The following CACNA1C variants were observed in gnomAD, a reference collection of about 807,000 sequenced individuals.
CACNA1C encodes the protein voltage-dependent L-type calcium channel subunit alpha-1C.
CACNA1C carries 30 observed loss-of-function variants against 229.0 expected under a neutral mutation model. The ratio of observed to expected loss-of-function variants is 0.13; its 90% CI spans 0.10 to 0.18. CACNA1C has a LOEUF of 0.18. CACNA1C is among the 10% of genes least tolerant of loss of function. The probability of loss-of-function intolerance (pLI) is 1.00; values close to 1 mark genes in which losing one functional copy is unlikely to be tolerated. For synonymous variants in CACNA1C, 1,114 were observed against 1,132.5 expected (o/e 0.98, Z 0.33); for missense variants, 1,658 against 2,845.0 (o/e 0.58, Z 9.49).
At chr12:2,389,723 G>T (rs2098452629) in intron 3 of CACNA1C, among the ~76,000 whole-genome samples, 1 of 152,100 alleles carries the variant, frequency 6.6e-6, no homozygotes, top group Admixed American at 6.5e-5. Flanking sequence ...CAGAATTTTA[G>T]AAGAAGCCTC....
chr12:2,336,022 CAAA>C (rs34731308), intron 3 of CACNA1C, among the ~76,000 whole-genome samples: 71 of 92,528 alleles, frequency 7.7e-4, no homozygotes, highest in Middle Eastern at 6.3e-3. Context: ...AAAACAACTC[CAAA>C]AAAAAAAAAA....
chr12:2,357,970 CAA>C (rs34774514), intron 3 of CACNA1C, among the ~76,000 whole-genome samples: 7,049 of 106,274 alleles, frequency 0.066, 202 homozygotes, highest in African/African-American at 0.071. Context: ...AACTCAGTCT[CAA>C]AAAAAAAAAA....
chr12:2,523,041 G>A (rs781385230), intron 9 of CACNA1C, among the ~76,000 whole-genome samples: 24 of 151,628 alleles, frequency 1.6e-4, no homozygotes, highest in Non-Finnish European at 3.4e-4. Flanking sequence ...TCCCCCAGCC[G>A]GAACAGCCTG....
At chr12:2,483,265 G>C (rs890821772) in intron 5 of CACNA1C, among the ~76,000 whole-genome samples, 2 of 152,238 alleles carry the variant, frequency 1.3e-5, no homozygotes, top group African/African-American at 4.8e-5. Context: ...GAAGGAGGCA[G>C]GTTAGTTTAC....
intron 3 of CACNA1C, among the ~76,000 whole-genome samples, chr12:2,366,127 G>A (rs572989042): frequency 3.1e-4 from 47 of 152,320 alleles, no homozygotes; most frequent in African/African-American, 1.1e-3. Context: ...AAATAGAGCT[G>A]AGGCATCCTG....
At chr12:2,298,023 A>G (rs567605004) in intron 3 of CACNA1C, among the ~76,000 whole-genome samples, 1 of 152,198 alleles carries the variant, frequency 6.6e-6, no homozygotes, top group Non-Finnish European at 1.5e-5. Context: ...GCTGGGTAAC[A>G]TCTAAAGGAG....
rs1295164658 is a variant in CACNA1C, at chr12:2,275,478, C to G, written c.477+155048C>G. Among the ~76,000 whole-genome samples the G allele has an allele frequency of 1.3e-5, 2 of 152,132 alleles. No individual in the cohort carries two copies. Among genetic ancestry groups the G allele is most frequent in the Admixed American group, 1.3e-4 (2 of 15,280 alleles). ...ATGTGACCTAGCTCTCTCCTGGCCC[C>G]CTGTTCCATCCCACATGCAGCCTCC... On this transcript the variant is annotated intron_variant, in intron 3 of 46. Coordinates refer to ENST00000399655, the MANE Select transcript of CACNA1C (RefSeq NM_000719.7). The surrounding 1 kb of genome is among the most constrained non-coding windows in gnomAD (Gnocchi z 4.1).
At chr12:2,194,348 TCTC>T (rs763677132) in intron 3 of CACNA1C, among the ~76,000 whole-genome samples, 18 of 147,510 alleles carry the variant, frequency 1.2e-4, no homozygotes, top group East Asian at 6.1e-4. Context: ...TCTTCCTCCC[TCTC>T]CTCCTCCTCC....
At chr12:2,330,556 G>C (rs2096512640) in intron 3 of CACNA1C, among the ~76,000 whole-genome samples, 1 of 152,150 alleles carries the variant, frequency 6.6e-6, no homozygotes, top group Admixed American at 6.5e-5. Flanking sequence ...TTGAATCCAG[G>C]CAGCCTGGCT....
chr12:2,056,910 A>C (rs1481913053), intron 1 of CACNA1C, among the ~76,000 whole-genome samples: 1 of 152,240 alleles, frequency 6.6e-6, no homozygotes. Flanking sequence ...ACATGGAATA[A>C]GGAAAAGCTA....
chr12:2,663,886 C>T (rs927973552), intron 34 of CACNA1C, among the ~76,000 whole-genome samples: 4 of 151,958 alleles, frequency 2.6e-5, no homozygotes, highest in South Asian at 2.1e-4. Context: ...GGACTACAGG[C>T]GCCCACCACC....
intron 5 of CACNA1C, among the ~76,000 whole-genome samples, chr12:2,475,637 T>C (rs947333897): frequency 6.6e-6 from 1 of 152,166 alleles, no homozygotes; most frequent in Non-Finnish European, 1.5e-5. Context: ...AAAACAGTTA[T>C]TGAACTAGAG....
chr12:2,666,891 A>T lies in CACNA1C; in HGVS notation c.4623+109A>T. The T allele has an allele frequency of 1.4e-6, 1 of 727,382 alleles. No homozygotes were observed. Among genetic ancestry groups the T allele is most frequent in the South Asian group, 1.5e-5 (1 of 65,120 alleles). The allele number at this position is 727,382 out of a possible 1,614,324, so 45.1% of individuals were successfully genotyped here. A position where few individuals can be genotyped will look rare whatever the true frequency, so the allele number is the denominator to read the frequency against. On this transcript the variant is annotated intron_variant, in intron 37 of 46. Transcript: ENST00000399655. This position sits in a 1 kb window ranked among gnomAD's most constrained non-coding sequence, Gnocchi z 5.3. ...AACATACTAGTTTATGTGCCTAAAG[A>T]TTACATTTTAAGGGTCCTTCCAGCT...
At chr12:2,518,168 T>A (rs1028259202) in intron 9 of CACNA1C, among the ~76,000 whole-genome samples, 6 of 152,190 alleles carry the variant, frequency 3.9e-5, no homozygotes, top group African/African-American at 7.2e-5. Flanking sequence ...GGATCACATA[T>A]TACTGAGACA....
chr12:2,068,825 G>T (rs1331406810), intron 1 of CACNA1C, among the ~76,000 whole-genome samples: 5 of 152,204 alleles, frequency 3.3e-5, no homozygotes, highest in Non-Finnish European at 7.3e-5. Flanking sequence ...GCTGACCCCA[G>T]CTTGATCTCT....
At chr12:2,074,156 TAATGTAG>T in intron 1 of CACNA1C, among the ~76,000 whole-genome samples, 1 of 7,574 alleles carries the variant, frequency 1.3e-4, no homozygotes, top group Non-Finnish European at 3.5e-4. Context: ...TGTGTTAGGA[TAATGTAG>T]ATAATGTAGG....
rs2095870278 is a variant in CACNA1C, at chr12:2,319,584, G to T, written c.478-129392G>T. ...CATTGCCGGGTGAGCCTGAGATAAG[G>T]GTGTAGCTCTGCTCATTTCTGGAGG... is the stretch of plus-strand genomic sequence containing the variant. On this transcript the variant is annotated intron_variant, in intron 3 of 46. Coordinates refer to ENST00000399655, the MANE Select transcript of CACNA1C (RefSeq NM_000719.7). This position sits in a 1 kb window ranked among gnomAD's most constrained non-coding sequence, Gnocchi z 4.0. Among the ~76,000 whole-genome samples the T allele has an allele frequency of 6.6e-6, 1 of 152,148 alleles. No homozygotes were observed.
At chr12:2,274,416 C>T (rs1364983892) in intron 3 of CACNA1C, among the ~76,000 whole-genome samples, 2 of 152,182 alleles carry the variant, frequency 1.3e-5, no homozygotes, top group East Asian at 1.9e-4. Flanking sequence ...CATGGAGAGA[C>T]GTCCTGAGAC....
chr12:2,104,570 C>T (rs891438859), intron 1 of CACNA1C, among the ~76,000 whole-genome samples: 2 of 152,174 alleles, frequency 1.3e-5, no homozygotes, highest in Non-Finnish European at 2.9e-5. Flanking sequence ...ATTTCTTTCT[C>T]TTGCCTGATT....
Sources: gnomAD v4.1 joint callset for allele counts (sites outside exome capture counted in the v4.1 genomes callset) on GRCh38, gnomAD v4.1.1 for gene constraint, Gnocchi (gnomAD v3.1) non-coding constraint, MANE v1.5 for transcripts, NCBI Gene and HGNC (gene_info 2026-07-23, HGNC 2026-07-21) for gene names.